Variants in ICA1L observed in about 807,000 individuals in gnomAD.
ICA1L encodes islet cell autoantigen 1 like.
ICA1L carries 50 observed loss-of-function variants against 61.3 expected under a neutral mutation model. The ratio of observed to expected loss-of-function variants is 0.82; its 90% CI spans 0.65 to 1.03. ICA1L has a LOEUF of 1.03. Ranked by LOEUF, ICA1L falls within the 50% of genes least tolerant of loss-of-function variation. The pLI, the probability that ICA1L is intolerant of heterozygous loss-of-function variation, is 0.00. For synonymous variants in ICA1L, 161 were observed against 191.3 expected (o/e 0.84, Z 1.31); for missense variants, 508 against 556.7 (o/e 0.91, Z 0.88).
intron 7 of ICA1L, among the ~76,000 whole-genome samples, chr2:202,815,194 A>G (rs1177729317): frequency 6.6e-6 from 1 of 152,236 alleles, no homozygotes; most frequent in Non-Finnish European, 1.5e-5. Context: ...TTATTATATT[A>G]AAAGTAAAAA....
At chr2:202,841,003 T>C in intron 1 of ICA1L, 1 of 672,174 alleles carries the variant, frequency 1.5e-6, no homozygotes, top group South Asian at 1.4e-5. Flanking sequence ...ACCTCAGCGA[T>C]GATGCTGTCC....
intron 8 of ICA1L, among the ~76,000 whole-genome samples, chr2:202,812,353 C>T (rs1283848219): frequency 2.6e-5 from 4 of 152,082 alleles, no homozygotes; most frequent in Non-Finnish European, 4.4e-5. Context: ...CTGAGACAGG[C>T]GGATCACGAG....
intron 12 of ICA1L, among the ~76,000 whole-genome samples, chr2:202,785,365 A>C (rs1335367808): frequency 6.6e-6 from 1 of 152,184 alleles, no homozygotes; most frequent in East Asian, 1.9e-4. Context: ...ACCTTAACAC[A>C]AACTATAAAA....
At chr2:202,809,831 C>T (rs1693324429) in intron 9 of ICA1L, among the ~76,000 whole-genome samples, 1 of 151,788 alleles carries the variant, frequency 6.6e-6, no homozygotes, top group Non-Finnish European at 1.5e-5. Context: ...ATGAAGCATG[C>T]CTACAGGATC....
At chr2:202,813,014 T>G (rs566067635) in intron 8 of ICA1L, among the ~76,000 whole-genome samples, 9 of 152,224 alleles carry the variant, frequency 5.9e-5, no homozygotes, top group African/African-American at 1.7e-4. Context: ...ATCCCAGCAC[T>G]TTGGGAGGCT....
intron 1 of ICA1L, among the ~76,000 whole-genome samples, chr2:202,853,766 C>T (rs1694696171): frequency 6.6e-6 from 1 of 152,084 alleles, no homozygotes; most frequent in African/African-American, 2.4e-5. Context: ...GAATTTTCAA[C>T]CCAGAATTTC....
At chr2:202,841,204 A>G in intron 1 of ICA1L, 1 of 689,780 alleles carries the variant, frequency 1.4e-6, no homozygotes, top group Non-Finnish European at 2.7e-6. Context: ...ATGAGGACAA[A>G]TTCATTCTCC....
chr2:202,853,893 CACTA>C (rs913348063), intron 1 of ICA1L, among the ~76,000 whole-genome samples: 24 of 152,116 alleles, frequency 1.6e-4, no homozygotes, highest in African/African-American at 5.8e-4. Flanking sequence ...CTGAAGGAAG[CACTA>C]ACTATGGAAA....
At position 202,828,159 on chromosome 2, in the gene ICA1L, G is replaced by A. The variant is rs147977118; in HGVS notation, c.162+689C>T. On this transcript the variant is annotated intron_variant, in intron 2 of 12. Coordinates refer to ENST00000358299, the MANE Select transcript of ICA1L (RefSeq NM_001288622.3). ...CATGCCTGTAATCCCAGCTACTCAG[G>A]GGGCTGAGGCAGGAGAATCCCTTGA... Among the ~76,000 whole-genome samples the A allele has an allele frequency of 6.4e-3, 977 of 151,772 alleles. 8 individuals carry two copies. Among genetic ancestry groups the A allele is most frequent in the Non-Finnish European group, 9.8e-3 (667 of 67,954 alleles).
intron 1 of ICA1L, among the ~76,000 whole-genome samples, chr2:202,840,059 T>A (rs992396045): frequency 7.5e-4 from 111 of 148,208 alleles, no homozygotes; most frequent in African/African-American, 2.5e-3. Context: ...TATTATTATT[T>A]TTTTTAATTT....
chr2:202,774,524 T>C lies in ICA1L; in HGVS notation c.*5009A>G, dbSNP rs1417966867. Reference sequence around the variant, plus strand: ...GTCAGTGAGGTTTAGCCACAAGAGATATCACAGGAGAGACACAGGAAAAAA... The same window carrying C: ...GTCAGTGAGGTTTAGCCACAAGAGACATCACAGGAGAGACACAGGAAAAAA... On this transcript the variant is annotated 3_prime_UTR_variant, in exon 13 of 13. Coordinates refer to ENST00000358299, the MANE Select transcript of ICA1L (RefSeq NM_001288622.3). 4.8e-6 allele frequency: 2 copies of C among 417,988 alleles called. No homozygotes were observed. Among genetic ancestry groups the C allele is most frequent in the African/African-American group, 4.3e-5 (2 of 46,506 alleles). 25.9% of individuals were successfully genotyped at this position (417,988 alleles called of 1,614,324 possible). A position where few individuals can be genotyped will look rare whatever the true frequency, so the allele number is the denominator to read the frequency against.
chr2:202,775,414 ATT>A lies in ICA1L; in HGVS notation c.*4117_*4118del, dbSNP rs894353215. 3.3e-5 allele frequency: 5 copies of A among 152,184 alleles called. No homozygotes were observed. Among genetic ancestry groups the A allele is most frequent in the African/African-American group, 1.2e-4 (5 of 41,444 alleles). 9.4% of individuals were successfully genotyped at this position (152,184 alleles called of 1,614,324 possible). ...TTGTGTCTAGGCTCAGATTTTTGAT[ATT>A]TGTTAGTTTTTGTTACTGAAAGTAT... On this transcript the variant is annotated 3_prime_UTR_variant, in exon 13 of 13. Coordinates refer to ENST00000358299, the MANE Select transcript of ICA1L (RefSeq NM_001288622.3).
chr2:202,791,888 C>T (rs1692766948), intron 10 of ICA1L, among the ~76,000 whole-genome samples: 1 of 151,764 alleles, frequency 6.6e-6, no homozygotes, highest in South Asian at 2.1e-4. Flanking sequence ...TTAAAATATA[C>T]CAGGCACGGT....
intron 9 of ICA1L, among the ~76,000 whole-genome samples, chr2:202,803,004 A>T (rs1398324889): frequency 6.6e-6 from 1 of 152,226 alleles, no homozygotes; most frequent in African/African-American, 2.4e-5. Context: ...ATATAGTGAC[A>T]ATAAACAAAT....
At chr2:202,837,484 C>G (rs185598245) in intron 1 of ICA1L, among the ~76,000 whole-genome samples, 2 of 149,780 alleles carry the variant, frequency 1.3e-5, no homozygotes, top group Non-Finnish European at 3.0e-5. Context: ...AGGGTTTCAC[C>G]GTGGTCTTGA....
At chr2:202,812,626 G>GCA (rs756324952) in intron 8 of ICA1L, among the ~76,000 whole-genome samples, 167 of 151,934 alleles carry the variant, frequency 1.1e-3, no homozygotes, top group Non-Finnish European at 1.7e-3. Flanking sequence ...TACACCTGGG[G>GCA]CATGACCTCA....
At chr2:202,809,379 G>A (rs935589720) in intron 9 of ICA1L, among the ~76,000 whole-genome samples, 2 of 152,052 alleles carry the variant, frequency 1.3e-5, no homozygotes, top group African/African-American at 2.4e-5. Context: ...GCCAGGTGCA[G>A]TACCCCACGC....
At chr2:202,795,771 G>A (rs1047341834) in intron 10 of ICA1L, among the ~76,000 whole-genome samples, 19 of 152,170 alleles carry the variant, frequency 1.2e-4, no homozygotes, top group East Asian at 1.9e-4. Flanking sequence ...GGCTGGGCGC[G>A]GTGGCTCACG....
At chr2:202,836,734 G>T (rs1694157340) in intron 1 of ICA1L, among the ~76,000 whole-genome samples, 1 of 140,272 alleles carries the variant, frequency 7.1e-6, no homozygotes, top group Admixed American at 7.3e-5. Flanking sequence ...TTATAAGTTG[G>T]TATGTGTCTA....
Sources: allele counts gnomAD v4.1 joint callset (sites outside exome capture counted in the v4.1 genomes callset), GRCh38; gene constraint gnomAD v4.1.1; transcripts MANE v1.5; gene names NCBI Gene and HGNC (gene_info 2026-07-23, HGNC 2026-07-21).